The following SPAG16 variants were observed in gnomAD, a reference collection of about 807,000 sequenced individuals.
SPAG16 encodes the protein sperm-associated antigen 16 protein.
SPAG16 carries 86 observed loss-of-function variants against 80.4 expected under a neutral mutation model. That is an observed-to-expected ratio of 1.07 (90% CI 0.90 to 1.28). The LOEUF is 1.28. SPAG16 is among the 50% of genes most tolerant of loss of function. The pLI, the probability that SPAG16 is intolerant of heterozygous loss-of-function variation, is 0.00. For missense variants in SPAG16, 870 were observed against 765.3 expected (o/e 1.14, Z -1.61); for synonymous variants, 294 against 265.9 (o/e 1.11, Z -1.03).
chr2:213,607,186 A>G (rs2061292513), intron 10 of SPAG16, among the ~76,000 whole-genome samples: 1 of 152,248 alleles, frequency 6.6e-6, no homozygotes, highest in South Asian at 2.1e-4. Context: ...AACATATTTT[A>G]CATGATAGTT....
At position 213,780,371 on chromosome 2, in the gene SPAG16, T is replaced by C. The variant is rs6708472; in HGVS notation, c.1071-82114T>C. On this transcript the variant is annotated intron_variant, in intron 10 of 15. Coordinates refer to ENST00000331683, the MANE Select transcript of SPAG16 (RefSeq NM_024532.5). Reference sequence around the variant, plus strand: ...TTCCAGGTCTCTTCCCATTTTTCTCTGACTTGTGTGAAATATATACACTTT... The same window carrying C: ...TTCCAGGTCTCTTCCCATTTTTCTCCGACTTGTGTGAAATATATACACTTT... Among the ~76,000 whole-genome samples, 1,041 of 152,320 alleles carry C rather than the reference T, an allele frequency of 6.8e-3. 16 individuals carry two copies. Among genetic ancestry groups the C allele is most frequent in the African/African-American group, 0.024 (977 of 41,574 alleles).
chr2:213,626,229 T>A (rs889932786), intron 10 of SPAG16, among the ~76,000 whole-genome samples: 4 of 152,034 alleles, frequency 2.6e-5, no homozygotes, highest in African/African-American at 9.7e-5. Flanking sequence ...TGATAAGGAA[T>A]CATATTAGCA....
At chr2:214,339,919 G>T (rs933818045) in intron 15 of SPAG16, among the ~76,000 whole-genome samples, 3 of 152,166 alleles carry the variant, frequency 2.0e-5, no homozygotes, top group Non-Finnish European at 4.4e-5. Context: ...CCTAATCACA[G>T]CCTCAGCCAG....
At chr2:213,860,467 A>T (rs1209849792) in intron 10 of SPAG16, among the ~76,000 whole-genome samples, 1 of 125,366 alleles carries the variant, frequency 8.0e-6, no homozygotes, top group African/African-American at 2.8e-5. Context: ...ATACAGATAT[A>T]TCTATCTATA....
intron 10 of SPAG16, among the ~76,000 whole-genome samples, chr2:213,536,511 G>T (rs890654653): frequency 6.6e-6 from 1 of 152,098 alleles, no homozygotes; most frequent in Non-Finnish European, 1.5e-5. Context: ...ACTTTTTAAT[G>T]ATTGCCATTC....
intron 9 of SPAG16, among the ~76,000 whole-genome samples, chr2:213,396,014 G>A (rs1017100364): frequency 7.0e-6 from 1 of 143,416 alleles, no homozygotes; most frequent in African/African-American, 2.4e-5. Flanking sequence ...ACATGAGTTT[G>A]CTTCTGGACT....
intron 15 of SPAG16, among the ~76,000 whole-genome samples, chr2:214,296,554 G>T (rs1694148875): frequency 6.6e-6 from 1 of 152,082 alleles, no homozygotes; most frequent in South Asian, 2.1e-4. Context: ...AACATCTGTG[G>T]TTTTTTGACT....
At chr2:213,710,823 CT>C (rs1181539084) in intron 10 of SPAG16, among the ~76,000 whole-genome samples, 1 of 152,170 alleles carries the variant, frequency 6.6e-6, no homozygotes, top group Non-Finnish European at 1.5e-5. Flanking sequence ...GGTCAATTTT[CT>C]TTTCTCCCAT....
chr2:213,660,295 G>A (rs1242001949), intron 10 of SPAG16, among the ~76,000 whole-genome samples: 2 of 149,916 alleles, frequency 1.3e-5, no homozygotes, highest in African/African-American at 2.5e-5. Context: ...TTCTGAGACA[G>A]AGTCTCACTT....
At chr2:214,282,274 TATA>T (rs1693005560) in intron 15 of SPAG16, among the ~76,000 whole-genome samples, 1 of 152,084 alleles carries the variant, frequency 6.6e-6, no homozygotes. Context: ...TTGAATCAAT[TATA>T]ATAAAATTAC....
chr2:213,542,275 T>C (rs979039453), intron 10 of SPAG16, among the ~76,000 whole-genome samples: 1 of 152,208 alleles, frequency 6.6e-6, no homozygotes, highest in African/African-American at 2.4e-5. Context: ...TTTTTATTTA[T>C]TTTTACATGA....
chr2:213,288,274 T>A (rs998146565), intron 1 of SPAG16, among the ~76,000 whole-genome samples: 1 of 152,142 alleles, frequency 6.6e-6, no homozygotes, highest in Non-Finnish European at 1.5e-5. Context: ...TAATGTTGAC[T>A]GATAACTTTA....
intron 3 of SPAG16, among the ~76,000 whole-genome samples, chr2:213,303,232 C>G (rs1322368747): frequency 6.6e-6 from 1 of 151,744 alleles, no homozygotes; most frequent in East Asian, 1.9e-4. Flanking sequence ...TTTTAATAAT[C>G]TTTGGAAGAA....
At position 213,610,795 on chromosome 2, in the gene SPAG16, G is replaced by A. The variant is rs538664666; in HGVS notation, c.1070+120705G>A. On this transcript the variant is annotated intron_variant, in intron 10 of 15. Transcript: ENST00000331683. ...GATTAAAAAAAGGTCATGAGGAGAT[G>A]TGCTCTGTTACAAGGTTTTGTGGTG... Among the ~76,000 whole-genome samples the A allele has an allele frequency of 5.3e-5, 8 of 152,226 alleles. No individual in the cohort carries two copies. The South Asian group carries it at 1.7e-3, about 32-fold the overall frequency.
intron 12 of SPAG16, among the ~76,000 whole-genome samples, chr2:213,976,756 A>G (rs1190858232): frequency 1.3e-5 from 2 of 152,108 alleles, no homozygotes; most frequent in Non-Finnish European, 2.9e-5. Flanking sequence ...AGGAAAGAGA[A>G]CCTTCATTCT....
intron 15 of SPAG16, among the ~76,000 whole-genome samples, chr2:214,347,805 G>A (rs1331697098): frequency 6.6e-6 from 1 of 152,130 alleles, no homozygotes; most frequent in Non-Finnish European, 1.5e-5. Context: ...AAAATGAAAA[G>A]AGGCATTTGA....
At chr2:214,359,458 A>C (rs1699031265) in intron 15 of SPAG16, among the ~76,000 whole-genome samples, 1 of 151,958 alleles carries the variant, frequency 6.6e-6, no homozygotes, top group African/African-American at 2.4e-5. Flanking sequence ...AAGAGTTAAT[A>C]CAACTTTAGA....
chr2:213,987,287 C>G (rs1401152536), intron 12 of SPAG16, among the ~76,000 whole-genome samples: 1 of 152,088 alleles, frequency 6.6e-6, no homozygotes, highest in Non-Finnish European at 1.5e-5. Context: ...TACTGCCTGC[C>G]TACCTCATTC....
intron 15 of SPAG16, among the ~76,000 whole-genome samples, chr2:214,226,381 C>T (rs1404038863): frequency 2.6e-5 from 4 of 152,030 alleles, no homozygotes; most frequent in East Asian, 1.9e-4. Context: ...CCTGGCCAAG[C>T]GCACATTCAT....
Sources: allele counts gnomAD v4.1 joint callset (sites outside exome capture counted in the v4.1 genomes callset), GRCh38; gene constraint gnomAD v4.1.1; transcripts MANE v1.5; gene names NCBI Gene and HGNC (gene_info 2026-07-23, HGNC 2026-07-21).